Variants in ABCC4 observed in about 807,000 individuals in gnomAD.
ABCC4 encodes ATP binding cassette subfamily C member 4 (PEL blood group).
Under a neutral mutation model 168.5 loss-of-function variants are expected in ABCC4, and 102 were observed. That is an observed-to-expected ratio of 0.61 (90% CI 0.52 to 0.71). ABCC4 has a LOEUF of 0.71. Ranked by LOEUF, ABCC4 falls within the 30% of genes least tolerant of loss-of-function variation. ABCC4 has a pLI of 0.00. For synonymous variants in ABCC4, 617 were observed against 590.7 expected, an observed-to-expected ratio of 1.04 and a Z score of -0.65; for missense variants, 1,402 against 1,605.8, an observed-to-expected ratio of 0.87 and a Z score of 2.17.
chr13:95,232,861 T>C (rs928503149), intron 4 of ABCC4, among the ~76,000 whole-genome samples: 2 of 152,160 alleles, frequency 1.3e-5, no homozygotes, highest in African/African-American at 2.4e-5. Flanking sequence ...TGGTATTATT[T>C]ATGGCATATC....
chr13:95,192,992 T>A (rs572200228), intron 9 of ABCC4, among the ~76,000 whole-genome samples: 1 of 152,198 alleles, frequency 6.6e-6, no homozygotes, highest in South Asian at 2.1e-4. Flanking sequence ...TGTCACCTTG[T>A]GTGAGTTTCC....
chr13:95,301,110 G>T (rs911531150), intron 1 of ABCC4, 131 bp downstream of exon 1: 2 of 832,668 alleles, frequency 2.4e-6, no homozygotes, highest in Admixed American at 3.4e-5. Flanking sequence ...GGCGTGGACC[G>T]CGTGGCGTAG....
chr13:95,101,443 G>T (rs551890294), intron 20 of ABCC4, among the ~76,000 whole-genome samples: 1 of 152,086 alleles, frequency 6.6e-6, no homozygotes, highest in East Asian at 1.9e-4. Flanking sequence ...TTTGCTGAGT[G>T]CAGCTGTGTG....
chr13:95,250,176 T>G (rs2040217493), intron 1 of ABCC4, among the ~76,000 whole-genome samples: 1 of 152,312 alleles, frequency 6.6e-6, no homozygotes, highest in African/African-American at 2.4e-5. Context: ...GTTGGCTCCT[T>G]AATACCAATG....
intron 4 of ABCC4, among the ~76,000 whole-genome samples, chr13:95,222,778 G>A (rs2039343530): frequency 6.6e-6 from 1 of 152,180 alleles, no homozygotes; most frequent in South Asian, 2.1e-4. Context: ...ACTATCCAGA[G>A]AAATAATTCT....
At chr13:95,164,023 AG>A (rs1400688097) in intron 16 of ABCC4, among the ~76,000 whole-genome samples, 1 of 146,574 alleles carries the variant, frequency 6.8e-6, no homozygotes, top group Non-Finnish European at 1.5e-5. Flanking sequence ...CCTGGGCAAC[AG>A]AGCAAAACTC....
chr13:95,134,428 G>T (rs1468559752), intron 19 of ABCC4, among the ~76,000 whole-genome samples: 2 of 152,104 alleles, frequency 1.3e-5, no homozygotes, highest in Non-Finnish European at 2.9e-5. Context: ...AGTGTTCTAA[G>T]AATATGTAGT....
chr13:95,138,107 C>G (rs1330941682), intron 19 of ABCC4, among the ~76,000 whole-genome samples: 1 of 152,128 alleles, frequency 6.6e-6, no homozygotes, highest in Non-Finnish European at 1.5e-5. Context: ...CTCAAGTCTC[C>G]AAGTCTGTTG....
intron 1 of ABCC4, among the ~76,000 whole-genome samples, chr13:95,288,699 G>A (rs994525345): frequency 6.6e-6 from 1 of 152,014 alleles, no homozygotes; most frequent in Non-Finnish European, 1.5e-5. Context: ...CCAGCTACTC[G>A]GGAGGCTGAG....
chr13:95,189,737 C>T (rs1306623041), intron 9 of ABCC4, among the ~76,000 whole-genome samples: 1 of 152,080 alleles, frequency 6.6e-6, no homozygotes, highest in Non-Finnish European at 1.5e-5. Flanking sequence ...TAACCAAAAA[C>T]TGAAGAATAA....
intron 1 of ABCC4, among the ~76,000 whole-genome samples, chr13:95,273,816 G>GTTTT (rs753327163): frequency 9.1e-5 from 9 of 98,626 alleles, no homozygotes; most frequent in Non-Finnish European, 1.1e-4. Flanking sequence ...TTTTTGGTTT[G>GTTTT]TTTTTTTTTT....
In ABCC4 at chr13:95,178,097, T is replaced by C. The variant is rs773364470; in HGVS notation, c.1546-6A>G. On this transcript the variant is annotated splice_region_variant and splice_polypyrimidine_tract_variant and intron_variant, in intron 11 of 30. Coordinates refer to ENST00000645237, the MANE Select transcript of ABCC4 (RefSeq NM_005845.5). ...TCCTCCAACAGCTGTAAATCCTGTATGGACAAAGGAAAGAAGGGGGGAAAA... is the reference window on the plus strand; with the variant it reads ...TCCTCCAACAGCTGTAAATCCTGTACGGACAAAGGAAAGAAGGGGGGAAAA... 50 of 1,613,190 alleles carry C rather than the reference T, an allele frequency of 3.1e-5. No individual in the cohort carries two copies. The highest frequency in any genetic ancestry group is 1.4e-4 in the South Asian group (13 of 91,054).
Position 95,161,296 on chromosome 13 carries a change from G to C in ABCC4, c.2348C>G (p.Ser783Cys). ...AACAAGGACGTAGAATACCAATAGA[G>C]ATCTTGCTATGCCAAAAAGAACGGT... Reference protein sequence around the residue: ...VATVLFGIARSLLVFYVLVNS... With the variant: ...VATVLFGIARCLLVFYVLVNS... Residue 783 changes from serine (S) to cysteine (C), a missense_variant, in exon 19 of 31, where the codon TCT becomes TGT. Transcript: ENST00000645237. 6.3e-7 allele frequency: 1 copy of C among 1,598,586 alleles called. No homozygotes were observed. Among genetic ancestry groups the C allele is most frequent in the Non-Finnish European group, 8.5e-7 (1 of 1,176,170 alleles).
intron 1 of ABCC4, among the ~76,000 whole-genome samples, chr13:95,257,832 AAAC>A (rs1280660364): frequency 2.0e-5 from 3 of 152,178 alleles, no homozygotes; most frequent in African/African-American, 4.8e-5. Context: ...TCTCAAGGCT[AAAC>A]AACTGATAGA....
chr13:95,087,335 T>C (rs1046580817), intron 20 of ABCC4, among the ~76,000 whole-genome samples: 5 of 152,120 alleles, frequency 3.3e-5, no homozygotes, highest in African/African-American at 9.7e-5. Context: ...CTGGGCAACA[T>C]GGCGAAACCC....
intron 1 of ABCC4, among the ~76,000 whole-genome samples, chr13:95,296,132 CAA>C (rs2041524516): frequency 7.9e-6 from 1 of 127,248 alleles, no homozygotes; most frequent in South Asian, 2.7e-4. Context: ...GACCCTGTCT[CAA>C]AACACACACA....
At chr13:95,191,540 T>C (rs61965911) in intron 9 of ABCC4, among the ~76,000 whole-genome samples, 22,447 of 152,228 alleles carry the variant, frequency 0.15, 2,195 homozygotes, top group Non-Finnish European at 0.22. Context: ...AAATGTGACA[T>C]ATTTACACGA....
chr13:95,296,135 A>AACACACACAC (rs753316849), intron 1 of ABCC4, among the ~76,000 whole-genome samples: 1 of 98,846 alleles, frequency 1.0e-5, no homozygotes, highest in African/African-American at 4.0e-5. Context: ...CCTGTCTCAA[A>AACACACACAC]ACACACACAC....
At chr13:95,091,869 C>T (rs1318917085) in intron 20 of ABCC4, among the ~76,000 whole-genome samples, 2 of 152,110 alleles carry the variant, frequency 1.3e-5, no homozygotes, top group Non-Finnish European at 2.9e-5. Flanking sequence ...TTAAAAGATA[C>T]AGAAGTGCAG....
Sources: gnomAD v4.1 joint callset for allele counts (sites outside exome capture counted in the v4.1 genomes callset) on GRCh38, gnomAD v4.1.1 for gene constraint, MANE v1.5 for transcripts, NCBI Gene and HGNC (gene_info 2026-07-23, HGNC 2026-07-21) for gene names.